The following DPY19L4 variants were observed in gnomAD, a reference collection of about 807,000 sequenced individuals.
DPY19L4 encodes the protein dpy-19 like 4.
A neutral mutation model predicts 102.8 loss-of-function variants in DPY19L4; 97 were observed. That is an observed-to-expected ratio of 0.94 (90% CI 0.80 to 1.12). The LOEUF is 1.12. Among genes scored for constraint, DPY19L4 ranks in the 50% most tolerant of loss-of-function variants. The pLI is 0.00. For missense variants in DPY19L4, 815 were observed against 850.4 expected (o/e 0.96, Z 0.52); for synonymous variants, 252 against 283.1 (o/e 0.89, Z 1.10).
chr8:94,759,050 G>C lies in DPY19L4; in HGVS notation c.736-2650G>C, dbSNP rs555376863. Among the ~76,000 whole-genome samples the C allele has an allele frequency of 1.3e-3, 197 of 152,232 alleles. 1 individual carries two copies. The highest frequency in any genetic ancestry group is 2.0e-3 in the Non-Finnish European group (138 of 68,006). On this transcript the variant is annotated intron_variant, in intron 7 of 18. Transcript: ENST00000414645. ...GGGTTCATGGTCTCGCTGACTTCAA[G>C]AATGAAGCCGCGGACCCTTGTGGTG...
chr8:94,778,050 G>A (rs4332100), intron 14 of DPY19L4, among the ~76,000 whole-genome samples: 26,177 of 151,878 alleles, frequency 0.17, 2,701 homozygotes, highest in African/African-American at 0.28. Flanking sequence ...GGCCAACATG[G>A]TAAAACCCTG....
In DPY19L4 at chr8:94,792,847, T is replaced by TC. The variant is rs1262757875; in HGVS notation, c.*2939dup. 5.6e-5 allele frequency: 8 copies of TC among 143,588 alleles called. No individual in the cohort carries two copies. The highest frequency in any genetic ancestry group is 2.0e-4 in the African/African-American group (8 of 40,790). 8.9% of individuals were successfully genotyped at this position (143,588 alleles called of 1,614,324 possible). On this transcript the variant is annotated 3_prime_UTR_variant, in exon 19 of 19. Transcript: ENST00000414645. ...TCCAGCCTGGGCAACAGAGCAAGAC[T>TC]CCATCTCAAAAAGAAAAAAAAAGTA...
intron 13 of DPY19L4, among the ~76,000 whole-genome samples, chr8:94,774,826 C>T (rs1337792744): frequency 6.6e-6 from 1 of 152,144 alleles, no homozygotes. Context: ...ATCTGCCCGC[C>T]TCGGCCCCCC....
chr8:94,757,397 C>T (rs186577314), intron 7 of DPY19L4, among the ~76,000 whole-genome samples: 8 of 152,174 alleles, frequency 5.3e-5, no homozygotes, highest in South Asian at 2.1e-4. Flanking sequence ...AAAGATCTTT[C>T]TGCACAAGAG....
intron 3 of DPY19L4, among the ~76,000 whole-genome samples, chr8:94,735,427 A>G (rs1263407511): frequency 1.3e-5 from 2 of 152,236 alleles, no homozygotes; most frequent in African/African-American, 2.4e-5. Context: ...CTGAGTAATT[A>G]CTGACTATAT....
At position 94,765,657 on chromosome 8, in the gene DPY19L4, A is replaced by G; in HGVS notation, c.1003-54A>G. On this transcript the variant is annotated intron_variant, in intron 9 of 18. Coordinates refer to ENST00000414645, the MANE Select transcript of DPY19L4 (RefSeq NM_181787.3). The stretch of plus-strand genomic sequence containing the variant: ...GGCCATTCTTATGATTACTTTTTAA[A>G]TTGTTAATTTTTTAACACCTCACTT... 11 of 1,332,698 alleles carry G rather than the reference A, an allele frequency of 8.3e-6. 1 individual carries two copies. Among genetic ancestry groups the G allele is most frequent in the Non-Finnish European group, 1.2e-5 (11 of 935,760 alleles). 82.6% of individuals were successfully genotyped at this position (1,332,698 alleles called of 1,614,324 possible). A position where few individuals can be genotyped will look rare whatever the true frequency, so the allele number is the denominator to read the frequency against.
intron 2 of DPY19L4, among the ~76,000 whole-genome samples, chr8:94,733,329 G>A (rs974841737): frequency 4.0e-5 from 6 of 151,518 alleles, no homozygotes; most frequent in Non-Finnish European, 7.4e-5. Context: ...GTTTCACCGT[G>A]TTAGCCAGGA....
At chr8:94,789,150 G>A (rs1415256064) in intron 18 of DPY19L4, among the ~76,000 whole-genome samples, 1 of 152,106 alleles carries the variant, frequency 6.6e-6, no homozygotes, top group Non-Finnish European at 1.5e-5. Flanking sequence ...CTGCTGTTTT[G>A]AAGATCAGCT....
chr8:94,765,210 T>A lies in DPY19L4; in HGVS notation c.898T>A (p.Phe300Ile). 3 of 1,567,242 alleles carry A rather than the reference T, an allele frequency of 1.9e-6. No individual in the cohort carries two copies. The highest frequency in any genetic ancestry group is 2.6e-6 in the Non-Finnish European group (3 of 1,148,342). ...KVYEVYKIYI[F>I]SLFLGYLLQF... ...TTATGAAGTTTATAAAATCTACATA[T>A]TTTCCCTCTTTCTGGGATATTTACT... The change falls in exon 9 of 19, where the codon TTT (phenylalanine) becomes ATT (isoleucine). Residue 300 changes from phenylalanine to isoleucine, a missense_variant. Transcript: ENST00000414645.
intron 8 of DPY19L4, 22 bp from the exon 9 acceptor site, chr8:94,765,161 T>A: frequency 7.2e-7 from 1 of 1,384,550 alleles, no homozygotes; most frequent in Non-Finnish European, 1.0e-6. Flanking sequence ...TATTCTCACT[T>A]ATTTTATTTT....
At chr8:94,720,468 G>T (rs1311173260) in intron 1 of DPY19L4, among the ~76,000 whole-genome samples, 1 of 152,192 alleles carries the variant, frequency 6.6e-6, no homozygotes, top group African/African-American at 2.4e-5. Flanking sequence ...GGATAAAGAG[G>T]CAGGGATTTG....
intron 6 of DPY19L4, among the ~76,000 whole-genome samples, chr8:94,746,054 ATT>A (rs35095979): frequency 0.14 from 9,381 of 66,464 alleles, 326 homozygotes; most frequent in Non-Finnish European, 0.17. Flanking sequence ...ATGCCTGGCC[ATT>A]TTTTTTTTTT....
chr8:94,757,970 G>C (rs937660818), intron 7 of DPY19L4, among the ~76,000 whole-genome samples: 1 of 151,782 alleles, frequency 6.6e-6, no homozygotes, highest in Non-Finnish European at 1.5e-5. Flanking sequence ...AAATTAGCTG[G>C]GTGTGGTGGT....
intron 6 of DPY19L4, among the ~76,000 whole-genome samples, chr8:94,752,819 C>G (rs892075011): frequency 7.3e-5 from 11 of 151,192 alleles, no homozygotes; most frequent in African/African-American, 2.7e-4. Flanking sequence ...CGGTCGCCAC[C>G]ATGCCCGGCT....
chr8:94,724,711 C>T (rs1810613817), intron 1 of DPY19L4, among the ~76,000 whole-genome samples: 1 of 152,154 alleles, frequency 6.6e-6, no homozygotes, highest in Admixed American at 6.5e-5. Context: ...CCTCAGCCTC[C>T]TGAGTAGCTG....
chr8:94,745,366 T>C (rs908545399), intron 6 of DPY19L4, among the ~76,000 whole-genome samples: 2 of 152,174 alleles, frequency 1.3e-5, no homozygotes, highest in African/African-American at 4.8e-5. Context: ...CATCTACAAA[T>C]ACATACCTAG....
intron 7 of DPY19L4, among the ~76,000 whole-genome samples, chr8:94,761,195 T>A (rs2130875118): frequency 6.6e-6 from 1 of 152,168 alleles, no homozygotes; most frequent in African/African-American, 2.4e-5. Flanking sequence ...AGCCTGAAAG[T>A]TTCATAGAGA....
chr8:94,752,543 G>A (rs566966087), intron 6 of DPY19L4, among the ~76,000 whole-genome samples: 1 of 131,838 alleles, frequency 7.6e-6, no homozygotes, highest in South Asian at 2.7e-4. Flanking sequence ...CCGAGATTGT[G>A]TCACTGCACT....
intron 6 of DPY19L4, 87 bp from the exon 7 acceptor site, chr8:94,755,949 T>A: frequency 2.2e-6 from 3 of 1,353,240 alleles, no homozygotes; most frequent in Non-Finnish European, 3.0e-6. Context: ...TGGAGAACAA[T>A]GAGATTTGTG....
Sources: gnomAD v4.1 joint callset for allele counts (sites outside exome capture counted in the v4.1 genomes callset) on GRCh38, gnomAD v4.1.1 for gene constraint, MANE v1.5 for transcripts, NCBI Gene and HGNC (gene_info 2026-07-23, HGNC 2026-07-21) for gene names.